The following CNTNAP2 variants were observed in gnomAD, a reference collection of about 807,000 sequenced individuals.
CNTNAP2 encodes contactin-associated protein-like 2.
A neutral mutation model predicts 155.2 loss-of-function variants in CNTNAP2; 98 were observed. The ratio of observed to expected loss-of-function variants is 0.63; its 90% CI spans 0.54 to 0.75. The LOEUF (loss-of-function observed/expected upper bound fraction) is 0.75. Ranked by LOEUF, CNTNAP2 falls within the 30% of genes least tolerant of loss-of-function variation. CNTNAP2 has a pLI of 0.00. For synonymous variants in CNTNAP2, 651 were observed against 631.2 expected (o/e 1.03, Z -0.47); for missense variants, 1,727 against 1,688.1 (o/e 1.02, Z -0.40).
At chr7:147,689,378 A>T (rs1241467427) in intron 13 of CNTNAP2, among the ~76,000 whole-genome samples, 1 of 151,924 alleles carries the variant, frequency 6.6e-6, no homozygotes, top group Non-Finnish European at 1.5e-5. Flanking sequence ...TGAACTCCTG[A>T]CCTCAAGTGA....
chr7:146,827,895 A>G (rs1371591958), intron 2 of CNTNAP2, among the ~76,000 whole-genome samples: 1 of 152,070 alleles, frequency 6.6e-6, no homozygotes, highest in African/African-American at 2.4e-5. Context: ...AAAGACGAAC[A>G]TGACTTCAGT....
intron 1 of CNTNAP2, among the ~76,000 whole-genome samples, chr7:146,228,218 G>T (rs1799327161): frequency 6.6e-6 from 1 of 152,198 alleles, no homozygotes; most frequent in African/African-American, 2.4e-5. Context: ...AATAGAGTTT[G>T]AAGATAATAG....
intron 1 of CNTNAP2, among the ~76,000 whole-genome samples, chr7:146,139,380 A>G (rs1404338109): frequency 6.6e-6 from 1 of 152,100 alleles, no homozygotes; most frequent in Non-Finnish European, 1.5e-5. Context: ...GTTTTTTCCC[A>G]CCACAAAATG....
chr7:146,668,612 T>G (rs1035799491), intron 1 of CNTNAP2, among the ~76,000 whole-genome samples: 5 of 152,192 alleles, frequency 3.3e-5, no homozygotes, highest in African/African-American at 1.2e-4. Flanking sequence ...AATCCAGTGA[T>G]GAAGCCATCC....
intron 14 of CNTNAP2, among the ~76,000 whole-genome samples, chr7:147,941,649 A>AT (rs1238933704): frequency 6.6e-6 from 1 of 152,148 alleles, no homozygotes; most frequent in Non-Finnish European, 1.5e-5. Flanking sequence ...GTTTGCTTCT[A>AT]TTTTGGTTAC....
intron 1 of CNTNAP2, among the ~76,000 whole-genome samples, chr7:146,117,631 C>G (rs1035461452): frequency 2.0e-5 from 3 of 152,032 alleles, no homozygotes; most frequent in Non-Finnish European, 4.4e-5. Context: ...TAAACAGATT[C>G]TTAATAGGGT....
intron 9 of CNTNAP2, among the ~76,000 whole-genome samples, chr7:147,348,181 C>T (rs1163807478): frequency 1.3e-5 from 2 of 151,842 alleles, no homozygotes; most frequent in Admixed American, 6.6e-5. Flanking sequence ...TATCACAGCA[C>T]AAATCTTCTG....
At chr7:147,598,111 G>A (rs1800861905) in intron 12 of CNTNAP2, among the ~76,000 whole-genome samples, 1 of 151,320 alleles carries the variant, frequency 6.6e-6, no homozygotes, top group Non-Finnish European at 1.5e-5. Flanking sequence ...TTGTGGTTCT[G>A]TAAGAACTTG....
At chr7:146,757,685 G>T (rs1802016634) in intron 1 of CNTNAP2, among the ~76,000 whole-genome samples, 1 of 152,110 alleles carries the variant, frequency 6.6e-6, no homozygotes, top group Admixed American at 6.6e-5. Context: ...AGGTTCAGAG[G>T]CCGGCTTCAG....
chr7:146,673,486 A>G (rs565929007), intron 1 of CNTNAP2, among the ~76,000 whole-genome samples: 3 of 152,318 alleles, frequency 2.0e-5, no homozygotes, highest in East Asian at 3.9e-4. Flanking sequence ...AGGTTTTTCC[A>G]TACATAGTGA....
At chr7:146,423,395 C>T (rs981314962) in intron 1 of CNTNAP2, among the ~76,000 whole-genome samples, 6 of 151,936 alleles carry the variant, frequency 3.9e-5, no homozygotes, top group African/African-American at 1.5e-4. Flanking sequence ...ATGGATATAA[C>T]ATTATCATTA....
chr7:146,762,783 C>T (rs1802125888), intron 1 of CNTNAP2, among the ~76,000 whole-genome samples: 1 of 152,112 alleles, frequency 6.6e-6, no homozygotes. Flanking sequence ...TCATGTCTTA[C>T]ATGGTGGCAG....
At chr7:147,934,255 G>T (rs571344818) in intron 14 of CNTNAP2, among the ~76,000 whole-genome samples, 1 of 152,152 alleles carries the variant, frequency 6.6e-6, no homozygotes, top group Non-Finnish European at 1.5e-5. Context: ...CCAAGACTGG[G>T]TAATTTAAAA....
At chr7:147,320,158 T>A (rs996798303) in intron 9 of CNTNAP2, among the ~76,000 whole-genome samples, 4 of 152,184 alleles carry the variant, frequency 2.6e-5, no homozygotes, top group African/African-American at 4.8e-5. Flanking sequence ...TCAAGATGTC[T>A]TCCATCCCCA....
chr7:147,133,692 A>G (rs1801422340), intron 8 of CNTNAP2, among the ~76,000 whole-genome samples: 1 of 151,982 alleles, frequency 6.6e-6, no homozygotes, highest in African/African-American at 2.4e-5. Context: ...TAGAACATAT[A>G]TATTTTCTTG....
intron 1 of CNTNAP2, among the ~76,000 whole-genome samples, chr7:146,749,966 T>C (rs1021927618): frequency 6.6e-6 from 1 of 152,202 alleles, no homozygotes; most frequent in Non-Finnish European, 1.5e-5. Context: ...AGTTTCTTCA[T>C]GTTTAAAGAT....
intron 21 of CNTNAP2, among the ~76,000 whole-genome samples, chr7:148,287,939 G>A (rs1468880242): frequency 4.1e-5 from 6 of 147,040 alleles, no homozygotes; most frequent in East Asian, 4.1e-4. Context: ...TTACAGGCAC[G>A]TGCCACCACG....
At chr7:146,181,980 A>G (rs984235573) in intron 1 of CNTNAP2, among the ~76,000 whole-genome samples, 10 of 152,078 alleles carry the variant, frequency 6.6e-5, no homozygotes, top group African/African-American at 2.4e-4. Context: ...TTATATTCCC[A>G]TTCTTATTAT....
chr7:146,641,600 C>T (rs1474145025), intron 1 of CNTNAP2, among the ~76,000 whole-genome samples: 1 of 152,070 alleles, frequency 6.6e-6, no homozygotes, highest in South Asian at 2.1e-4. Flanking sequence ...ACTCTTTAAT[C>T]TCTGGTTATG....
Sources: gnomAD v4.1 joint callset for allele counts (sites outside exome capture counted in the v4.1 genomes callset) on GRCh38, gnomAD v4.1.1 for gene constraint, MANE v1.5 for transcripts, NCBI Gene and HGNC (gene_info 2026-07-23, HGNC 2026-07-21) for gene names.